Variants in JPH3 observed in about 807,000 individuals in gnomAD.
JPH3 encodes the protein junctophilin-3.
JPH3 carries 11 observed loss-of-function variants against 59.6 expected under a neutral mutation model. The ratio of observed to expected loss-of-function variants is 0.18; its 90% CI spans 0.12 to 0.31. The LOEUF (loss-of-function observed/expected upper bound fraction) is 0.31, where lower values mean the gene tolerates loss of function less well. Among genes scored for constraint, JPH3 ranks in the 10% least tolerant of loss-of-function variants. JPH3 has a pLI of 1.00. For missense variants in JPH3, 1,202 were observed against 1,105.7 expected (o/e 1.09, Z -1.24); for synonymous variants, 673 against 483.6 (o/e 1.39, Z -5.14).
At chr16:87,621,040 T>C (rs1272132135) in intron 1 of JPH3, among the ~76,000 whole-genome samples, 1 of 152,180 alleles carries the variant, frequency 6.6e-6, no homozygotes, top group Admixed American at 6.5e-5. Context: ...GCGCCTGTAG[T>C]CCCAGCTACT....
chr16:87,607,865 A>C (rs1384753807), intron 1 of JPH3, among the ~76,000 whole-genome samples: 1 of 152,248 alleles, frequency 6.6e-6, no homozygotes, highest in Admixed American at 6.5e-5. Context: ...TTGGAGACGA[A>C]AGCGTTTTCT....
Position 87,659,385 on chromosome 16 carries a change from AAG to A in JPH3, c.1160+14352_1160+14353del, listed in dbSNP as rs1333566032. 3.9e-3 allele frequency among the ~76,000 whole-genome samples: 459 copies of A among 118,330 alleles called. 19 individuals carry two copies. Among genetic ancestry groups the A allele is most frequent in the Non-Finnish European group, 6.6e-3 (334 of 50,430 alleles). The allele number at this position is 118,330 out of a possible 152,430, so 77.6% of individuals were successfully genotyped here. On this transcript the variant is annotated intron_variant, in intron 2 of 4. Coordinates refer to ENST00000284262, the MANE Select transcript of JPH3 (RefSeq NM_020655.4). Reference sequence around the variant, plus strand: ...GAGTAAGACTGTCTCAAAAAAAAAAAAGAAAAAAAAAAAGAAAACTACACACA... The same window carrying A: ...GAGTAAGACTGTCTCAAAAAAAAAAAAAAAAAAAAAAGAAAACTACACACA...
Position 87,684,252 on chromosome 16 carries a change from A to C in JPH3, c.1271A>C (p.Gln424Pro). 1 of 1,613,988 alleles carries C rather than the reference A, an allele frequency of 6.2e-7. No individual in the cohort carries two copies. The highest frequency in any genetic ancestry group is 1.1e-5 in the South Asian group (1 of 91,072). The change falls in exon 3 of 5, where the codon CAG becomes CCG. Residue 424 changes from glutamine (Q) to proline (P), a missense_variant. Coordinates refer to ENST00000284262, the MANE Select transcript of JPH3 (RefSeq NM_020655.4). The part of the protein sequence containing the change: ...ITAKEFSPSF[Q>P]HRENGLEYQR... ...GCCAAAGAGTTCTCCCCTTCCTTCC[A>C]GCACCGGGAAAACGGTGAGTCTCGC... is the stretch of plus-strand genomic sequence containing the variant.
intron 1 of JPH3, among the ~76,000 whole-genome samples, chr16:87,620,356 G>A (rs565927017): frequency 3.3e-5 from 5 of 150,180 alleles, no homozygotes; most frequent in Non-Finnish European, 7.4e-5. Flanking sequence ...GGGCCAGAGC[G>A]GGCCAGAGCG....
At chr16:87,643,047 C>T (rs1218831087) in intron 1 of JPH3, among the ~76,000 whole-genome samples, 1 of 152,170 alleles carries the variant, frequency 6.6e-6, no homozygotes. Flanking sequence ...TCAACACTGA[C>T]CCCACAACCC....
At chr16:87,680,170 A>G (rs543491921) in intron 2 of JPH3, among the ~76,000 whole-genome samples, 1 of 152,362 alleles carries the variant, frequency 6.6e-6, no homozygotes, top group African/African-American at 2.4e-5. Context: ...GTCTTCAGTA[A>G]GGGAGGAGGC....
chr16:87,659,241 G>T (rs2032615273), intron 2 of JPH3, among the ~76,000 whole-genome samples: 1 of 151,902 alleles, frequency 6.6e-6, no homozygotes, highest in Non-Finnish European at 1.5e-5. Flanking sequence ...GCCGGGTATG[G>T]TGGCAGGCAC....
intron 2 of JPH3, among the ~76,000 whole-genome samples, chr16:87,680,054 GC>G (rs995692569): frequency 2.4e-4 from 36 of 152,360 alleles, no homozygotes; most frequent in African/African-American, 8.7e-4. Flanking sequence ...CACACACCCA[GC>G]CCAGGGTGTG....
At chr16:87,640,686 C>T (rs2031919953) in intron 1 of JPH3, among the ~76,000 whole-genome samples, 1 of 152,192 alleles carries the variant, frequency 6.6e-6, no homozygotes, top group Admixed American at 6.5e-5. Context: ...AGCCACCCCA[C>T]CCAGCCAACA....
chr16:87,628,251 G>A (rs752493951), intron 1 of JPH3, among the ~76,000 whole-genome samples: 1 of 152,270 alleles, frequency 6.6e-6, no homozygotes, highest in African/African-American at 2.4e-5. Context: ...TGGCATGGGC[G>A]GGTCAGAAGG....
rs568865925 is a variant in JPH3, at chr16:87,685,490, C to T, written c.1285+1224C>T. Among the ~76,000 whole-genome samples the T allele has an allele frequency of 1.4e-4, 21 of 152,376 alleles. No homozygotes were observed. The East Asian group carries it at 2.7e-3, about 20-fold the overall frequency. On this transcript the variant is annotated intron_variant, in intron 3 of 4. Coordinates refer to ENST00000284262, the MANE Select transcript of JPH3 (RefSeq NM_020655.4). ...CTGGGGCCCCTCCTTGCCTCGCCCA[C>T]GACCAGCTGCCTGGGCTGGGAGGCG...
chr16:87,668,148 C>G (rs926103568), intron 2 of JPH3, among the ~76,000 whole-genome samples: 2 of 152,232 alleles, frequency 1.3e-5, no homozygotes, highest in Non-Finnish European at 2.9e-5. Flanking sequence ...TGAGCCTGTT[C>G]CTCCTTCCTC....
chr16:87,690,462 A>G lies in JPH3; in HGVS notation c.2102A>G (p.Gln701Arg), dbSNP rs2033539849. ...LRWDLTFSPP[Q>R]KSLPVALESD... is the part of the protein sequence containing the mutation. ...TGGGACTTGACCTTCTCCCCGCCCC[A>G]GAAATCCTTGCCTGTCGCTCTAGAG... Residue 701 changes from glutamine to arginine, a missense_variant, in exon 4 of 5, where the codon CAG (glutamine) becomes CGG (arginine). By Grantham distance (43) the Gln-to-Arg change is conservative. Transcript: ENST00000284262. 2.7e-6 allele frequency: 4 copies of G among 1,488,152 alleles called. No homozygotes were observed. The highest frequency in any genetic ancestry group is 1.4e-5 in the South Asian group (1 of 70,542). The allele number at this position is 1,488,152 out of a possible 1,614,324, so 92.2% of individuals were successfully genotyped here.
At chr16:87,681,639 C>T (rs2033297753) in intron 2 of JPH3, among the ~76,000 whole-genome samples, 2 of 150,678 alleles carry the variant, frequency 1.3e-5, no homozygotes, top group Non-Finnish European at 3.0e-5. Flanking sequence ...GCGGTCGTGA[C>T]AGTGCCGGGA....
intron 1 of JPH3, among the ~76,000 whole-genome samples, chr16:87,610,875 A>C (rs1715924677): frequency 1.3e-5 from 2 of 152,328 alleles, no homozygotes; most frequent in South Asian, 4.1e-4. Context: ...GTGCAAAGAA[A>C]GGCCCATGGA....
chr16:87,649,228 G>T (rs1303061865), intron 2 of JPH3, among the ~76,000 whole-genome samples: 1 of 152,220 alleles, frequency 6.6e-6, no homozygotes, highest in Non-Finnish European at 1.5e-5. Flanking sequence ...CCTCACCCCA[G>T]TGGGAACTCC....
At chr16:87,612,325 G>A (rs1277093715) in intron 1 of JPH3, among the ~76,000 whole-genome samples, 5 of 152,062 alleles carry the variant, frequency 3.3e-5, no homozygotes, top group African/African-American at 1.2e-4. Flanking sequence ...GGGTTTTGTC[G>A]TGTTTCCCAG....
chr16:87,621,484 G>A (rs1055603763), intron 1 of JPH3, among the ~76,000 whole-genome samples: 3 of 152,214 alleles, frequency 2.0e-5, no homozygotes, highest in African/African-American at 7.2e-5. Context: ...CCCCACCAGT[G>A]CCTTCTTGCT....
chr16:87,673,093 C>T (rs1186589546), intron 2 of JPH3, among the ~76,000 whole-genome samples: 1 of 151,908 alleles, frequency 6.6e-6, no homozygotes, highest in Non-Finnish European at 1.5e-5. Flanking sequence ...TTGCAGTGGG[C>T]CGAGATCGCA....
Sources: gnomAD v4.1 joint callset for allele counts (sites outside exome capture counted in the v4.1 genomes callset) on GRCh38, gnomAD v4.1.1 for gene constraint, MANE v1.5 for transcripts, NCBI Gene and HGNC (gene_info 2026-07-23, HGNC 2026-07-21) for gene names.